ANGPTL3: variants seen among roughly 807,000 people sequenced by gnomAD.
ANGPTL3 encodes the protein angiopoietin-related protein 3.
Under a neutral mutation model 52.7 loss-of-function variants are expected in ANGPTL3, and 51 were observed. That is an observed-to-expected ratio of 0.97 (90% CI 0.77 to 1.22). ANGPTL3 has a LOEUF of 1.22. ANGPTL3 is among the 50% of genes most tolerant of loss of function. ANGPTL3 has a pLI of 0.00. For synonymous variants in ANGPTL3, 185 were observed against 179.8 expected (o/e 1.03, Z -0.23); for missense variants, 506 against 520.7 (o/e 0.97, Z 0.27).
intron 5 of ANGPTL3, 152 bp downstream of exon 5, chr1:62,602,532 T>C (rs1190517295): frequency 1.5e-6 from 1 of 683,214 alleles, no homozygotes; most frequent in East Asian, 2.7e-5. Context: ...ACACATTTGT[T>C]AGTAAATTAC....
In ANGPTL3 at chr1:62,597,843, A is replaced by C. The variant is rs777910790; in HGVS notation, c.277A>C (p.Lys93Gln). ...TCTATCGCTGCAAACCAGTGAAATC[A>C]AAGAAGAAGAAAAGGAACTGAGAAG... is the stretch of plus-strand genomic sequence containing the variant. ...YDLSLQTSEI[K>Q]EEEKELRRTT... The change falls in exon 1 of 7, where the codon AAA becomes CAA. Residue 93 changes from lysine (K) to glutamine (Q), a missense_variant. Transcript: ENST00000371129. 3 of 1,605,168 alleles carry C rather than the reference A, an allele frequency of 1.9e-6. No homozygotes were observed. The highest frequency in any genetic ancestry group is 8.5e-7 in the Non-Finnish European group (1 of 1,176,318).
chr1:62,604,387 G>A, intron 6 of ANGPTL3, 152 bp downstream of exon 6: 1 of 965,022 alleles, frequency 1.0e-6, no homozygotes, highest in Non-Finnish European at 1.5e-6. Flanking sequence ...TAATGAAAGT[G>A]TTCATTCTAG....
chr1:62,602,479 GAGA>G, intron 5 of ANGPTL3, 99 bp downstream of exon 5: 1 of 1,013,774 alleles, frequency 9.9e-7, no homozygotes, highest in South Asian at 1.3e-5. Context: ...AGTAACGAAC[GAGA>G]AGCAGTCTCA....
chr1:62,604,925 TTTTTTTA>T lies in ANGPTL3; in HGVS notation c.*110_*116del. ...TTAAGAGAAAGCTTGAGAAATAGAT[TTTTTTTA>T]TCTTAAAGTCACTGTCTATTTAAGA... On this transcript the variant is annotated 3_prime_UTR_variant, in exon 7 of 7. Transcript: ENST00000371129. 1 of 1,157,938 alleles carries T rather than the reference TTTTTTTA, an allele frequency of 8.6e-7. No homozygotes were observed. The highest frequency in any genetic ancestry group is 1.3e-6 in the Non-Finnish European group (1 of 792,060). The allele number at this position is 1,157,938 out of a possible 1,614,324, so 71.7% of individuals were successfully genotyped here.
intron 6 of ANGPTL3, 143 bp from the exon 7 acceptor site, chr1:62,604,488 CTT>C (rs1650652735): frequency 2.1e-6 from 2 of 961,500 alleles, no homozygotes; most frequent in Non-Finnish European, 3.1e-6. Context: ...AAAATTGGGA[CTT>C]ATACAGATTA....
In ANGPTL3 at chr1:62,602,118, C is replaced by T. The variant is rs898952488; in HGVS notation, c.836-167C>T. Among the ~76,000 whole-genome samples, 3 of 151,520 alleles carry T rather than the reference C, an allele frequency of 2.0e-5. No homozygotes were observed. The East Asian group carries it at 5.8e-4, about 29-fold the overall frequency. On this transcript the variant is annotated intron_variant, in intron 4 of 6. Coordinates refer to ENST00000371129, the MANE Select transcript of ANGPTL3 (RefSeq NM_014495.4). ...TTACTATGCCAAAATTCATTAATTG[C>T]CTTTCACTTAACTTTTGGGACCATA...
At position 62,602,342 on chromosome 1, in the gene ANGPTL3, C is replaced by A. The variant is rs757037911; in HGVS notation, c.893C>A (p.Thr298Lys). The A allele has an allele frequency of 6.2e-7, 1 of 1,610,688 alleles. No individual in the cohort carries two copies. The highest frequency in any genetic ancestry group is 1.7e-5 in the Admixed American group (1 of 59,872). Reference sequence around the variant, plus strand: ...GATGGATCACAAAACTTCAATGAAACGTGGGAGAACTACAAATATGGTTTT... The same window carrying A: ...GATGGATCACAAAACTTCAATGAAAAGTGGGAGAACTACAAATATGGTTTT... ...RIDGSQNFNE[T>K]WENYKYGFGR... The change falls in exon 5 of 7, where the codon ACG becomes AAG. Residue 298 changes from threonine (T) to lysine (K), a missense_variant. Coordinates refer to ENST00000371129, the MANE Select transcript of ANGPTL3 (RefSeq NM_014495.4).
At position 62,598,059 on chromosome 1, in the gene ANGPTL3, AAAGT is replaced by A. The variant is rs1649546919; in HGVS notation, c.495+4_495+7del. 5.1e-6 allele frequency: 8 copies of A among 1,580,840 alleles called. No individual in the cohort carries two copies. In the African/African-American group the frequency reaches 9.6e-5, roughly 19 times the overall value. ...AGAACACCCAGAAGTAACTTCACTT[AAAGT>A]AAGTAGAAAATAAAGAGGGTTCATG... On this transcript the variant is annotated splice_donor_variant and coding_sequence_variant, in exon 1 of 7. Coordinates refer to ENST00000371129, the MANE Select transcript of ANGPTL3 (RefSeq NM_014495.4). LOFTEE classifies it high-confidence loss of function.
At chr1:62,604,456 A>G in intron 6 of ANGPTL3, 177 bp from the exon 7 acceptor site, 1 of 902,352 alleles carries the variant, frequency 1.1e-6, no homozygotes, top group Non-Finnish European at 1.7e-6. Flanking sequence ...GGTAGTGTAT[A>G]GATTATTTAT....
intron 1 of ANGPTL3, 102 bp from the exon 2 acceptor site, chr1:62,598,594 A>G (rs923956921): frequency 1.4e-6 from 1 of 702,948 alleles, no homozygotes; most frequent in African/African-American, 1.8e-5. Flanking sequence ...CATTTTTCAA[A>G]TCCATTATTA....
intron 5 of ANGPTL3, 35 bp downstream of exon 5, chr1:62,602,415 C>T: frequency 6.4e-7 from 1 of 1,567,064 alleles, no homozygotes; most frequent in Non-Finnish European, 8.8e-7. Flanking sequence ...CATTCACTTG[C>T]TAATCTACAA....
Position 62,597,808 on chromosome 1 carries a change from C to A in ANGPTL3, c.242C>A (p.Ser81Tyr). 1 of 1,613,278 alleles carries A rather than the reference C, an allele frequency of 6.2e-7. No individual in the cohort carries two copies. The highest frequency in any genetic ancestry group is 8.5e-7 in the Non-Finnish European group (1 of 1,179,560). ...CAAAAACTCAACATATTTGATCAGTCTTTTTATGATCTATCGCTGCAAACC... is the reference window on the plus strand; with the variant it reads ...CAAAAACTCAACATATTTGATCAGTATTTTTATGATCTATCGCTGCAAACC... ...IFQKLNIFDQ[S>Y]FYDLSLQTSE... Residue 81 changes from serine to tyrosine, a missense_variant, in exon 1 of 7, where the codon TCT becomes TAT. Coordinates refer to ENST00000371129, the MANE Select transcript of ANGPTL3 (RefSeq NM_014495.4).
Position 62,605,024 on chromosome 1 carries a change from C to T in ANGPTL3, c.*207C>T. 5.7e-6 allele frequency: 3 copies of T among 527,864 alleles called. No homozygotes were observed. Among genetic ancestry groups the T allele is most frequent in the East Asian group, 3.3e-5 (1 of 30,052 alleles). 32.7% of individuals were successfully genotyped at this position (527,864 alleles called of 1,614,324 possible). A position where few individuals can be genotyped will look rare whatever the true frequency, so the allele number is the denominator to read the frequency against. On this transcript the variant is annotated 3_prime_UTR_variant, in exon 7 of 7. Coordinates refer to ENST00000371129, the MANE Select transcript of ANGPTL3 (RefSeq NM_014495.4). ...TTTCTCAATCAAAATTCTTATAATA[C>T]TATTTGTTTTAAATTTTGTGATGTG...
chr1:62,602,447 T>C (rs113480710), intron 5 of ANGPTL3, 67 bp downstream of exon 5: 7 of 1,393,406 alleles, frequency 5.0e-6, no homozygotes, highest in Admixed American at 1.7e-5. Flanking sequence ...GAACCTCTTA[T>C]GGACCAGGTA....
At chr1:62,598,273 T>C (rs936605435) in intron 1 of ANGPTL3, among the ~76,000 whole-genome samples, 1 of 152,124 alleles carries the variant, frequency 6.6e-6, no homozygotes, top group African/African-American at 2.4e-5. Flanking sequence ...CACTGAAAAT[T>C]TGCATTTTAT....
Position 62,605,695 on chromosome 1 carries a change from T to C in ANGPTL3, c.*878T>C, listed in dbSNP as rs554751002. 9.8e-5 allele frequency: 15 copies of C among 152,524 alleles called. No individual in the cohort carries two copies. In the South Asian group the frequency reaches 2.9e-3, roughly 29 times the overall value. The allele number at this position is 152,524 out of a possible 1,614,324, so 9.4% of individuals were successfully genotyped here. Reference sequence around the variant, plus strand: ...ATTCGTGTAGGTTTTCAAGTAGAAATAAACCTCGTAACAAGTTACTGAACG... The same window carrying C: ...ATTCGTGTAGGTTTTCAAGTAGAAACAAACCTCGTAACAAGTTACTGAACG... On this transcript the variant is annotated 3_prime_UTR_variant, in exon 7 of 7. Transcript: ENST00000371129.
Position 62,597,985 on chromosome 1 carries a change from A to C in ANGPTL3, c.419A>C (p.Tyr140Ser). The C allele has an allele frequency of 6.4e-7, 1 of 1,566,386 alleles. No homozygotes were observed. The highest frequency in any genetic ancestry group is 8.6e-7 in the Non-Finnish European group (1 of 1,166,520). ...EKILLQQKVK[Y>S]LEEQLTNLIQ... is the part of the protein sequence containing the mutation. The stretch of plus-strand genomic sequence containing the variant: ...ATTCTACTTCAACAAAAAGTGAAAT[A>C]TTTAGAAGAGCAACTAACTAACTTA... The change falls in exon 1 of 7, where the codon TAT becomes TCT. Residue 140 changes from tyrosine to serine, a missense_variant. Coordinates refer to ENST00000371129, the MANE Select transcript of ANGPTL3 (RefSeq NM_014495.4).
intron 2 of ANGPTL3, among the ~76,000 whole-genome samples, chr1:62,599,475 A>G (rs574676448): frequency 1.4e-4 from 21 of 151,798 alleles, no homozygotes; most frequent in Non-Finnish European, 2.7e-4. Flanking sequence ...ATCCCTGAAA[A>G]CTTCTACTTC....
rs1571737634 is a variant in ANGPTL3, at chr1:62,604,875, G to A, written c.*58G>A. ...CATTAACCTCATTCCAAGTTAATGT[G>A]GTCTAATAATCTGGTATTAAATCCT... On this transcript the variant is annotated 3_prime_UTR_variant, in exon 7 of 7. Coordinates refer to ENST00000371129, the MANE Select transcript of ANGPTL3 (RefSeq NM_014495.4). 2 of 666,870 alleles carry A rather than the reference G, an allele frequency of 3.0e-6. No individual in the cohort carries two copies. Among genetic ancestry groups the A allele is most frequent in the Non-Finnish European group, 2.1e-6 (1 of 478,142 alleles). The allele number at this position is 666,870 out of a possible 1,614,324, so 41.3% of individuals were successfully genotyped here.
Sources: gnomAD v4.1 joint callset for allele counts (sites outside exome capture counted in the v4.1 genomes callset) on GRCh38, gnomAD v4.1.1 for gene constraint, MANE v1.5 for transcripts, NCBI Gene and HGNC (gene_info 2026-07-23, HGNC 2026-07-21) for gene names.